Variants in RPS6KA2 observed in about 807,000 individuals in gnomAD.
RPS6KA2 encodes the protein ribosomal protein S6 kinase A2, also known as ribosomal protein S6 kinase alpha-2.
A neutral mutation model predicts 91.8 loss-of-function variants in RPS6KA2; 42 were observed. The ratio of observed to expected loss-of-function variants is 0.46; its 90% CI spans 0.36 to 0.59. The LOEUF is 0.59. Among genes scored for constraint, RPS6KA2 ranks in the 20% least tolerant of loss-of-function variants. RPS6KA2 has a pLI of 0.00. For missense variants in RPS6KA2, 798 were observed against 978.5 expected (o/e 0.82, Z 2.46); for synonymous variants, 414 against 393.6 (o/e 1.05, Z -0.61).
At chr6:166,617,935 T>TA (rs1351043017) in intron 1 of RPS6KA2, among the ~76,000 whole-genome samples, 9 of 152,320 alleles carry the variant, frequency 5.9e-5, no homozygotes, top group Admixed American at 4.6e-4. Flanking sequence ...AGGTTTTCTG[T>TA]AAATTCACAC....
intron 2 of RPS6KA2, among the ~76,000 whole-genome samples, chr6:166,687,195 G>A (rs1320281502): frequency 6.6e-6 from 1 of 152,204 alleles, no homozygotes; most frequent in African/African-American, 2.4e-5. Context: ...GCCACCGCGG[G>A]CAGAGTTCCT....
intron 2 of RPS6KA2, among the ~76,000 whole-genome samples, chr6:166,735,192 G>A (rs1249120653): frequency 6.6e-6 from 1 of 152,254 alleles, no homozygotes; most frequent in Non-Finnish European, 1.5e-5. Flanking sequence ...GCTTCAGGCT[G>A]TGCTGCAGAG....
intron 2 of RPS6KA2, among the ~76,000 whole-genome samples, chr6:166,773,153 G>A (rs1181589081): frequency 5.3e-5 from 8 of 152,112 alleles, no homozygotes; most frequent in Admixed American, 2.6e-4. Context: ...ACTCCTTTCC[G>A]ATCCAGGACA....
intron 2 of RPS6KA2, among the ~76,000 whole-genome samples, chr6:166,654,076 G>A (rs935571508): frequency 1.3e-5 from 2 of 152,184 alleles, no homozygotes; most frequent in African/African-American, 2.4e-5. Context: ...TATTCTGATC[G>A]AAAGTGAACT....
chr6:166,674,886 C>G (rs543394080), intron 2 of RPS6KA2, among the ~76,000 whole-genome samples: 65 of 152,340 alleles, frequency 4.3e-4, no homozygotes, highest in African/African-American at 1.3e-3. Flanking sequence ...CCAGGCTGGT[C>G]TCTAACTCCT....
intron 2 of RPS6KA2, among the ~76,000 whole-genome samples, chr6:166,712,700 C>A (rs1789899133): frequency 6.6e-6 from 1 of 152,210 alleles, no homozygotes; most frequent in African/African-American, 2.4e-5. Context: ...TGATGTCCCA[C>A]CGAGGCCCAC....
At chr6:166,760,409 T>C (rs903080243) in intron 2 of RPS6KA2, among the ~76,000 whole-genome samples, 5 of 152,222 alleles carry the variant, frequency 3.3e-5, no homozygotes, top group African/African-American at 1.2e-4. Context: ...GCAATTGAAC[T>C]ACATCGAAGA....
intron 17 of RPS6KA2, among the ~76,000 whole-genome samples, chr6:166,421,457 G>T (rs1026179808): frequency 6.6e-6 from 1 of 152,132 alleles, no homozygotes; most frequent in Non-Finnish European, 1.5e-5. Flanking sequence ...AAGACAAAAG[G>T]TACCTACCCC....
At chr6:166,578,888 CG>C (rs1784922422) in intron 1 of RPS6KA2, among the ~76,000 whole-genome samples, 1 of 152,208 alleles carries the variant, frequency 6.6e-6, no homozygotes, top group African/African-American at 2.4e-5. Context: ...GGGACAGGAA[CG>C]TCACAGCTTA....
chr6:166,611,365 G>A (rs946413226), intron 1 of RPS6KA2, among the ~76,000 whole-genome samples: 1 of 152,186 alleles, frequency 6.6e-6, no homozygotes, highest in Non-Finnish European at 1.5e-5. Context: ...TCACTAGCCT[G>A]TAGCTGCTGA....
chr6:166,856,789 C>G (rs1780913961), intron 2 of RPS6KA2, among the ~76,000 whole-genome samples: 1 of 152,250 alleles, frequency 6.6e-6, no homozygotes, highest in African/African-American at 2.4e-5. Context: ...ACCCCTACCA[C>G]TTTGCAAGTA....
chr6:166,610,019 G>T (rs903170611), intron 1 of RPS6KA2, among the ~76,000 whole-genome samples: 4 of 151,934 alleles, frequency 2.6e-5, no homozygotes, highest in African/African-American at 4.8e-5. Flanking sequence ...TTCTCATCTT[G>T]ATTTTTTTCT....
At chr6:166,790,293 T>C (rs1099637) in intron 2 of RPS6KA2, among the ~76,000 whole-genome samples, 149,042 of 152,260 alleles carry the variant, frequency 0.98, 73,028 homozygotes, top group East Asian at 1. Flanking sequence ...TGAAATGAAG[T>C]GAGAAAGGAA....
chr6:166,809,871 C>T (rs746309025), intron 2 of RPS6KA2, among the ~76,000 whole-genome samples: 2 of 152,232 alleles, frequency 1.3e-5, no homozygotes, highest in Non-Finnish European at 2.9e-5. Context: ...TGAGGACGCT[C>T]ATGCAGCCTT....
At chr6:166,848,881 C>T (rs115473559) in intron 2 of RPS6KA2, among the ~76,000 whole-genome samples, 2,548 of 151,806 alleles carry the variant, frequency 0.017, 83 homozygotes, top group African/African-American at 0.059. Context: ...AAATACCACC[C>T]GTTCCCCAAA....
chr6:166,626,937 C>G lies in RPS6KA2; in HGVS notation c.83G>C (p.Ser28Thr). ...CCGCATTACCTCGAGCCGGCTCAGGCTGGAGCTCTTGGAGCGCGACTTCCT... is the reference window on the plus strand; with the variant it reads ...CCGCATTACCTCGAGCCGGCTCAGGGTGGAGCTCTTGGAGCGCGACTTCCT... ...LRRKSRSKSS[S>T]LSRLEEEGVV... The change falls in exon 1 of 21, where the codon AGC becomes ACC. Residue 28 changes from serine to threonine, a missense_variant. Physicochemically the swap from Ser to Thr is moderately conservative, Grantham distance 58. Transcript: ENST00000265678. The surrounding 1 kb of genome is among the most constrained non-coding windows in gnomAD (Gnocchi z 4.1). The G allele has an allele frequency of 6.5e-7, 1 of 1,549,328 alleles. No individual in the cohort carries two copies.
intron 2 of RPS6KA2, among the ~76,000 whole-genome samples, chr6:166,759,625 C>T (rs1442375099): frequency 6.6e-6 from 1 of 152,214 alleles, no homozygotes; most frequent in Non-Finnish European, 1.5e-5. Context: ...TAAAACAATC[C>T]CAGTTCTATT....
intron 1 of RPS6KA2, among the ~76,000 whole-genome samples, chr6:166,575,727 CT>C (rs1784819861): frequency 6.6e-6 from 1 of 152,208 alleles, no homozygotes; most frequent in African/African-American, 2.4e-5. Context: ...TCCACTGCCT[CT>C]TTATCAATGG....
intron 2 of RPS6KA2, among the ~76,000 whole-genome samples, chr6:166,657,506 G>C (rs1788036446): frequency 6.6e-6 from 1 of 152,210 alleles, no homozygotes; most frequent in Middle Eastern, 3.2e-3. Flanking sequence ...CGTCCTCATT[G>C]CCTGAAACTA....
Sources: gnomAD v4.1 joint callset for allele counts (sites outside exome capture counted in the v4.1 genomes callset) on GRCh38, gnomAD v4.1.1 for gene constraint, Gnocchi (gnomAD v3.1) non-coding constraint, MANE v1.5 for transcripts, NCBI Gene and HGNC (gene_info 2026-07-23, HGNC 2026-07-21) for gene names.